Variants in EBF3 observed in about 807,000 individuals in gnomAD.
EBF3 encodes the protein transcription factor COE3.
EBF3 carries 18 observed loss-of-function variants against 77.1 expected under a neutral mutation model. The observed-to-expected ratio is 0.23, with a 90% confidence interval of 0.16 to 0.35. The LOEUF is 0.35. EBF3 is among the 10% of genes least tolerant of loss of function. The pLI is 1.00. For synonymous variants in EBF3, 350 were observed against 343.5 expected, an observed-to-expected ratio of 1.02 and a Z score of -0.21; for missense variants, 558 against 860.0, an observed-to-expected ratio of 0.65 and a Z score of 4.39.
At chr10:129,857,775 C>T (rs947437850) in intron 10 of EBF3, among the ~76,000 whole-genome samples, 3 of 152,122 alleles carry the variant, frequency 2.0e-5, no homozygotes, top group Non-Finnish European at 2.9e-5. Flanking sequence ...TGTCACCCCA[C>T]CTGATACCCC....
intron 8 of EBF3, among the ~76,000 whole-genome samples, chr10:129,869,563 G>A (rs115224861): frequency 2.6e-3 from 389 of 152,292 alleles, no homozygotes; most frequent in African/African-American, 8.9e-3. Flanking sequence ...AGATCCGGTT[G>A]CACATCTTCA....
intron 6 of EBF3, among the ~76,000 whole-genome samples, chr10:129,934,275 T>C (rs762114924): frequency 3.3e-5 from 5 of 151,680 alleles, no homozygotes; most frequent in Admixed American, 2.6e-4. Context: ...GGCAGCGACA[T>C]CACGCTCCCC....
rs750247172 is a variant in EBF3 at position 129,938,039 on chromosome 10, C to T, written c.554+19219G>A. Reference sequence around the variant, plus strand: ...GGTACAAGCTATTTTCTGGCATGTTCATTGACATCACATACACAATCATAC... The same window carrying T: ...GGTACAAGCTATTTTCTGGCATGTTTATTGACATCACATACACAATCATAC... On this transcript the variant is annotated intron_variant, in intron 6 of 16. Coordinates refer to ENST00000440978, the MANE Select transcript of EBF3 (RefSeq NM_001375380.1). This position sits in a 1 kb window ranked among gnomAD's most constrained non-coding sequence, Gnocchi z 5.1. Among the ~76,000 whole-genome samples, 4 of 152,166 alleles carry T rather than the reference C, an allele frequency of 2.6e-5. No homozygotes were observed. The highest frequency in any genetic ancestry group is 1.5e-5 in the Non-Finnish European group (1 of 68,036).
rs368978561 is a variant in EBF3, at chr10:129,847,380, G to T, written c.1128+1012C>A. On this transcript the variant is annotated intron_variant, in intron 11 of 16. Coordinates refer to ENST00000440978, the MANE Select transcript of EBF3 (RefSeq NM_001375380.1). ...CCGGGGAAACACTCGTTCTGCCTGG[G>T]CTCACCCTCAGGAACAAAAACCCCT... 3.9e-5 allele frequency among the ~76,000 whole-genome samples: 6 copies of T among 152,266 alleles called. No individual in the cohort carries two copies. The East Asian group carries it at 7.7e-4, about 20-fold the overall frequency.
chr10:129,873,672 A>C (rs1391506497), intron 7 of EBF3, 76 bp from the exon 8 acceptor site: 2 of 1,386,544 alleles, frequency 1.4e-6, no homozygotes, highest in Non-Finnish European at 1.9e-6. Context: ...AATACAAGCC[A>C]TCTTAAATAC....
At position 129,897,878 on chromosome 10, in the gene EBF3, C is replaced by A. The variant is rs929400736; in HGVS notation, c.555-20029G>T. 6.6e-6 allele frequency among the ~76,000 whole-genome samples: 1 copy of A among 152,204 alleles called. No individual in the cohort carries two copies. Among genetic ancestry groups the A allele is most frequent in the Non-Finnish European group, 1.5e-5 (1 of 68,046 alleles). On this transcript the variant is annotated intron_variant, in intron 6 of 16. Coordinates refer to ENST00000440978, the MANE Select transcript of EBF3 (RefSeq NM_001375380.1). This position sits in a 1 kb window ranked among gnomAD's most constrained non-coding sequence, Gnocchi z 4.6. ...GAACTTTGTTGGGGTTTTGTTCCAG[C>A]ATCCTCCAAATGCTGCAATTTCTGC...
rs994486772 is a variant in EBF3 at position 129,864,766 on chromosome 10, G to A, written c.1039+2375C>T. On this transcript the variant is annotated intron_variant, in intron 10 of 16. Transcript: ENST00000440978. The surrounding 1 kb of genome is among the most constrained non-coding windows in gnomAD (Gnocchi z 4.4). ...ACACAGGAGCCCACCCCTGCCATGT[G>A]CCCGCCGAAGCTCAGGTGCTGCTCC... Among the ~76,000 whole-genome samples, 2 of 152,188 alleles carry A rather than the reference G, an allele frequency of 1.3e-5. No individual in the cohort carries two copies. The highest frequency in any genetic ancestry group is 2.9e-5 in the Non-Finnish European group (2 of 68,028).
intron 11 of EBF3, among the ~76,000 whole-genome samples, chr10:129,846,913 C>A (rs1417856717): frequency 3.3e-5 from 5 of 152,018 alleles, no homozygotes; most frequent in Admixed American, 2.0e-4. Flanking sequence ...AGTCTTCTGT[C>A]CCCCGGGGAG....
intron 6 of EBF3, among the ~76,000 whole-genome samples, chr10:129,951,565 A>G (rs1858684175): frequency 6.6e-6 from 1 of 152,230 alleles, no homozygotes; most frequent in Non-Finnish European, 1.5e-5. Context: ...GTGGGTGTGT[A>G]GCTTGTTTTC....
Position 129,941,489 on chromosome 10 carries a change from G to A in EBF3, c.554+15769C>T, listed in dbSNP as rs1857732632. Among the ~76,000 whole-genome samples, 5 of 152,382 alleles carry A rather than the reference G, an allele frequency of 3.3e-5. No homozygotes were observed. The South Asian group carries it at 8.3e-4, about 25-fold the overall frequency. ...CCACCCGGGGACAGTGCCAAGACTA[G>A]GCCACAGAGGAGAGGTGCTGGGTGA... On this transcript the variant is annotated intron_variant, in intron 6 of 16. Coordinates refer to ENST00000440978, the MANE Select transcript of EBF3 (RefSeq NM_001375380.1).
chr10:129,881,774 G>T (rs1159932431), intron 6 of EBF3, among the ~76,000 whole-genome samples: 2 of 152,192 alleles, frequency 1.3e-5, no homozygotes, highest in African/African-American at 4.8e-5. Flanking sequence ...GAGGACAGGG[G>T]TGGAGGGGCA....
At chr10:129,880,134 G>A (rs1308993308) in intron 6 of EBF3, among the ~76,000 whole-genome samples, 1 of 152,072 alleles carries the variant, frequency 6.6e-6, no homozygotes, top group African/African-American at 2.4e-5. Flanking sequence ...GCCCTCACTC[G>A]GCACTGTCAT....
intron 6 of EBF3, among the ~76,000 whole-genome samples, chr10:129,919,899 G>C (rs572471674): frequency 6.6e-6 from 1 of 152,178 alleles, no homozygotes. Flanking sequence ...CCCCAGAGAT[G>C]CCGCTTAATC....
intron 6 of EBF3, among the ~76,000 whole-genome samples, chr10:129,883,264 G>A (rs1853334030): frequency 1.3e-5 from 2 of 152,168 alleles, no homozygotes; most frequent in South Asian, 2.1e-4. Flanking sequence ...TCCTAGGTGC[G>A]CGCCTACCCC....
chr10:129,880,917 T>G (rs1237259573), intron 6 of EBF3, among the ~76,000 whole-genome samples: 3 of 152,238 alleles, frequency 2.0e-5, no homozygotes, highest in Non-Finnish European at 2.9e-5. Flanking sequence ...AGCAAATGTA[T>G]GCTTTCACGA....
intron 6 of EBF3, among the ~76,000 whole-genome samples, chr10:129,901,341 G>A (rs1226367394): frequency 1.3e-5 from 2 of 152,186 alleles, no homozygotes; most frequent in Non-Finnish European, 2.9e-5. Context: ...GTAACTCACA[G>A]GCACTTACTT....
At chr10:129,962,247 ATT>A (rs1859580843) in intron 3 of EBF3, 21 bp from the exon 4 acceptor site, 1 of 1,613,926 alleles carries the variant, frequency 6.2e-7, no homozygotes, top group Non-Finnish European at 8.5e-7. Flanking sequence ...ACAGAGACAA[ATT>A]CTCATCAGGA....
chr10:129,867,927 C>T lies in EBF3; in HGVS notation c.782-15G>A, dbSNP rs371419680. 3.6e-5 allele frequency: 58 copies of T among 1,613,104 alleles called. No individual in the cohort carries two copies. The highest frequency in any genetic ancestry group is 4.7e-5 in the Non-Finnish European group (56 of 1,179,478). ...GCACGGAGTGGCTGCTCACACAAGA[C>T]AGAGAAGGCAGACCTTAGAGCCCCG... On this transcript the variant is annotated splice_polypyrimidine_tract_variant and intron_variant, in intron 8 of 16. Coordinates refer to ENST00000440978, the MANE Select transcript of EBF3 (RefSeq NM_001375380.1).
At chr10:129,866,780 C>T (rs1233936132) in intron 10 of EBF3, among the ~76,000 whole-genome samples, 3 of 152,196 alleles carry the variant, frequency 2.0e-5, no homozygotes, top group African/African-American at 7.2e-5. Flanking sequence ...CCGGTGGACA[C>T]ACGGCCCCTA....
Sources: gnomAD v4.1 joint callset for allele counts (sites outside exome capture counted in the v4.1 genomes callset) on GRCh38, gnomAD v4.1.1 for gene constraint, Gnocchi (gnomAD v3.1) non-coding constraint, MANE v1.5 for transcripts, NCBI Gene and HGNC (gene_info 2026-07-23, HGNC 2026-07-21) for gene names.